SLIT3: variants seen among roughly 807,000 people sequenced by gnomAD.
SLIT3 encodes slit homolog 3 protein.
SLIT3 carries 68 observed loss-of-function variants against 184.0 expected under a neutral mutation model. The observed-to-expected ratio is 0.37, with a 90% confidence interval of 0.30 to 0.45. SLIT3 has a LOEUF of 0.45. Ranked by LOEUF, SLIT3 falls within the 20% of genes least tolerant of loss-of-function variation. SLIT3 has a pLI of 1.00. For synonymous variants in SLIT3, 831 were observed against 828.6 expected, an observed-to-expected ratio of 1.00 and a Z score of -0.05; for missense variants, 1,707 against 2,026.0, an observed-to-expected ratio of 0.84 and a Z score of 3.02.
chr5:169,232,925 A>G (rs1382359380), intron 3 of SLIT3, among the ~76,000 whole-genome samples: 1 of 152,188 alleles, frequency 6.6e-6, no homozygotes, highest in Non-Finnish European at 1.5e-5. Context: ...AGCACTCCAT[A>G]TATTTGACTC....
chr5:169,300,471 C>T lies in SLIT3; in HGVS notation c.197+42G>A. 1 of 1,426,460 alleles carries T rather than the reference C, an allele frequency of 7.0e-7. No homozygotes were observed. The allele number at this position is 1,426,460 out of a possible 1,614,324, so 88.4% of individuals were successfully genotyped here. A position where few individuals can be genotyped will look rare whatever the true frequency, so the allele number is the denominator to read the frequency against. Reference sequence around the variant, plus strand: ...GGCGCCTGGGGCCCCCTCGGTGGGACCCAGGTGGGTGGCCCGCGTGGGGTG... The same window carrying T: ...GGCGCCTGGGGCCCCCTCGGTGGGATCCAGGTGGGTGGCCCGCGTGGGGTG... On this transcript the variant is annotated intron_variant, in intron 1 of 35. Coordinates refer to ENST00000519560, the MANE Select transcript of SLIT3 (RefSeq NM_003062.4). This position sits in a 1 kb window ranked among gnomAD's most constrained non-coding sequence, Gnocchi z 4.1.
rs1395782637 is a variant in SLIT3, at chr5:169,252,852, T to TTA, written c.198-1395_198-1394dup. Among the ~76,000 whole-genome samples the TTA allele has an allele frequency of 2.6e-5, 4 of 152,176 alleles. No homozygotes were observed. The East Asian group carries it at 5.8e-4, about 22-fold the overall frequency. On this transcript the variant is annotated intron_variant, in intron 1 of 35. Transcript: ENST00000519560. ...AAAGGCATTTTCAGATTCCAGCACT[T>TTA]TATATATATATAAAAAATTCAAGTT... is the stretch of plus-strand genomic sequence containing the variant.
chr5:168,796,799 C>T (rs1756578821), intron 9 of SLIT3, among the ~76,000 whole-genome samples: 1 of 152,112 alleles, frequency 6.6e-6, no homozygotes, highest in African/African-American at 2.4e-5. Flanking sequence ...ACTGGAACTG[C>T]TAATGGAGCA....
At chr5:168,774,515 AAAAG>A (rs1755672056) in intron 12 of SLIT3, 137 bp from the exon 13 acceptor site, 2 of 933,162 alleles carry the variant, frequency 2.1e-6, no homozygotes, top group African/African-American at 1.7e-5. Flanking sequence ...GCAGAACAGA[AAAAG>A]AGAGAGACCT....
chr5:169,229,564 T>C (rs1258775413), intron 3 of SLIT3, among the ~76,000 whole-genome samples: 2 of 152,180 alleles, frequency 1.3e-5, no homozygotes, highest in Non-Finnish European at 2.9e-5. Flanking sequence ...GGTATGTATT[T>C]GGCATGGGAT....
At chr5:169,055,756 G>A (rs1421367753) in intron 4 of SLIT3, among the ~76,000 whole-genome samples, 2 of 151,934 alleles carry the variant, frequency 1.3e-5, no homozygotes, top group African/African-American at 2.4e-5. Context: ...GTTTGAACCC[G>A]GGAGGCGGTG....
chr5:168,836,050 A>C (rs1758041162), intron 6 of SLIT3, among the ~76,000 whole-genome samples: 1 of 152,184 alleles, frequency 6.6e-6, no homozygotes. Context: ...TTGTGTCTCC[A>C]TCACCTTCTC....
intron 4 of SLIT3, among the ~76,000 whole-genome samples, chr5:168,940,550 G>C (rs1762298034): frequency 6.6e-6 from 1 of 151,940 alleles, no homozygotes; most frequent in Non-Finnish European, 1.5e-5. Flanking sequence ...AGAGTCTTCA[G>C]ATTCTTTTAT....
chr5:169,110,770 C>T (rs936294654), intron 4 of SLIT3, among the ~76,000 whole-genome samples: 2 of 152,212 alleles, frequency 1.3e-5, no homozygotes, highest in Admixed American at 6.5e-5. Context: ...AGCTTCCTAA[C>T]GGGTCTCCCA....
intron 4 of SLIT3, among the ~76,000 whole-genome samples, chr5:168,904,128 T>C (rs1382698489): frequency 6.6e-6 from 1 of 152,178 alleles, no homozygotes; most frequent in East Asian, 1.9e-4. Flanking sequence ...CTCCTCATTC[T>C]CACTCCGCTC....
chr5:169,241,611 C>T (rs1765406379), intron 3 of SLIT3, among the ~76,000 whole-genome samples: 1 of 152,254 alleles, frequency 6.6e-6, no homozygotes, highest in Middle Eastern at 3.4e-3. Flanking sequence ...AAAACTCAAG[C>T]GCTTTAATAA....
At chr5:168,938,021 C>T (rs1762216277) in intron 4 of SLIT3, among the ~76,000 whole-genome samples, 1 of 152,090 alleles carries the variant, frequency 6.6e-6, no homozygotes, top group Non-Finnish European at 1.5e-5. Context: ...ATGGTAGATA[C>T]TGCGGATCTG....
intron 2 of SLIT3, among the ~76,000 whole-genome samples, 162 bp downstream of exon 2, chr5:169,251,226 C>A (rs1385967617): frequency 6.6e-6 from 1 of 152,202 alleles, no homozygotes; most frequent in African/African-American, 2.4e-5. Flanking sequence ...GAATGTGATA[C>A]CTGTAAGCAT....
chr5:168,684,729 C>A (rs1266167406), intron 31 of SLIT3, among the ~76,000 whole-genome samples: 8 of 152,128 alleles, frequency 5.3e-5, no homozygotes, highest in African/African-American at 1.9e-4. Context: ...CTTGGCCTCC[C>A]AAAGCGCTGG....
At chr5:169,255,269 C>T (rs1025404117) in intron 1 of SLIT3, among the ~76,000 whole-genome samples, 1 of 152,152 alleles carries the variant, frequency 6.6e-6, no homozygotes, top group Non-Finnish European at 1.5e-5. Flanking sequence ...AACAGCTTCA[C>T]GCATGTCCTT....
intron 7 of SLIT3, among the ~76,000 whole-genome samples, chr5:168,820,286 C>T (rs1028576082): frequency 3.3e-5 from 5 of 152,118 alleles, no homozygotes; most frequent in Non-Finnish European, 7.4e-5. Context: ...TCACCTGGCA[C>T]CTGCTCTTCT....
At chr5:169,008,016 C>T (rs1011686654) in intron 4 of SLIT3, among the ~76,000 whole-genome samples, 1 of 152,158 alleles carries the variant, frequency 6.6e-6, no homozygotes, top group Non-Finnish European at 1.5e-5. Context: ...CGGACACTTT[C>T]TTTTGGTATT....
chr5:168,964,937 A>G (rs6885618), intron 4 of SLIT3, among the ~76,000 whole-genome samples: 67,056 of 152,066 alleles, frequency 0.44, 15,440 homozygotes, highest in African/African-American at 0.58. Flanking sequence ...GTCCAAAAGC[A>G]GTCTGCAGGT....
At chr5:168,830,003 TC>T (rs1280494451) in intron 6 of SLIT3, among the ~76,000 whole-genome samples, 3 of 152,168 alleles carry the variant, frequency 2.0e-5, no homozygotes, top group Non-Finnish European at 4.4e-5. Context: ...AAGCCACTCT[TC>T]TCAGTCTTGC....
Sources: allele counts gnomAD v4.1 joint callset (sites outside exome capture counted in the v4.1 genomes callset), GRCh38; gene constraint gnomAD v4.1.1; non-coding constraint Gnocchi (gnomAD v3.1); transcripts MANE v1.5; gene names NCBI Gene and HGNC (gene_info 2026-07-23, HGNC 2026-07-21).